Variants in PRKN observed in about 807,000 individuals in gnomAD.
PRKN encodes parkin RBR E3 ubiquitin protein ligase, also known as E3 ubiquitin-protein ligase parkin.
PRKN carries 56 observed loss-of-function variants against 59.5 expected under a neutral mutation model. The ratio of observed to expected loss-of-function variants is 0.94; its 90% CI spans 0.76 to 1.18. The LOEUF is 1.18. Among genes scored for constraint, PRKN ranks in the 50% most tolerant of loss-of-function variants. The probability of loss-of-function intolerance (pLI) is 0.00; values close to 1 mark genes in which losing one functional copy is unlikely to be tolerated. For missense variants in PRKN, 657 were observed against 596.4 expected, an observed-to-expected ratio of 1.10 and a Z score of -1.06; for synonymous variants, 250 against 222.1, an observed-to-expected ratio of 1.13 and a Z score of -1.12.
chr6:162,130,121 GC>G lies in PRKN; in HGVS notation c.534+71009del, dbSNP rs201125720. Among the ~76,000 whole-genome samples, 1,362 of 152,032 alleles carry G rather than the reference GC, an allele frequency of 9.0e-3. 11 individuals carry two copies. Among genetic ancestry groups the G allele is most frequent in the Non-Finnish European group, 0.012 (823 of 67,972 alleles). The stretch of plus-strand genomic sequence containing the variant: ...TACCAAACGAAGAATGATCTTTCTG[GC>G]CCCCAAATACAGGAATCTACCACTC... On this transcript the variant is annotated intron_variant, in intron 4 of 11. Coordinates refer to ENST00000366898, the MANE Select transcript of PRKN (RefSeq NM_004562.3).
chr6:162,254,058 T>C (rs1779544682), intron 3 of PRKN, among the ~76,000 whole-genome samples: 1 of 152,170 alleles, frequency 6.6e-6, no homozygotes. Context: ...GAGTGTCTTA[T>C]CTCCAAACAG....
At chr6:161,837,668 G>C (rs891582870) in intron 6 of PRKN, among the ~76,000 whole-genome samples, 2 of 151,896 alleles carry the variant, frequency 1.3e-5, no homozygotes, top group African/African-American at 4.8e-5. Context: ...TATGTTCCAG[G>C]GTAATAGATA....
intron 9 of PRKN, among the ~76,000 whole-genome samples, chr6:161,517,739 C>CG (rs1778666247): frequency 6.2e-5 from 3 of 48,382 alleles, no homozygotes; most frequent in Non-Finnish European, 1.0e-4. Flanking sequence ...GACTCTATCT[C>CG]AAAAAAAAAA....
intron 2 of PRKN, among the ~76,000 whole-genome samples, chr6:162,420,390 C>T (rs1288482685): frequency 6.6e-6 from 1 of 152,122 alleles, no homozygotes; most frequent in Non-Finnish European, 1.5e-5. Context: ...GTCCTGCTGC[C>T]ATCTTGGAAT....
At chr6:162,539,966 A>G (rs1778863445) in intron 1 of PRKN, among the ~76,000 whole-genome samples, 2 of 152,172 alleles carry the variant, frequency 1.3e-5, no homozygotes, top group Admixed American at 6.6e-5. Context: ...TCTGTCGCCC[A>G]GGCTAGAGTG....
At chr6:162,651,729 T>C (rs1024229234) in intron 1 of PRKN, among the ~76,000 whole-genome samples, 4 of 152,004 alleles carry the variant, frequency 2.6e-5, no homozygotes, top group Non-Finnish European at 5.9e-5. Flanking sequence ...ATTTAGAGAG[T>C]GCTCTAACTC....
At chr6:162,420,450 A>G (rs988102141) in intron 2 of PRKN, among the ~76,000 whole-genome samples, 8 of 152,194 alleles carry the variant, frequency 5.3e-5, no homozygotes, top group Non-Finnish European at 8.8e-5. Flanking sequence ...CTGAGCATGC[A>G]TAACAGTGCC....
rs1161071137 is a variant in PRKN, at chr6:161,355,749, C to T, written c.1285+4339G>A. Among the ~76,000 whole-genome samples the T allele has an allele frequency of 2.0e-5, 3 of 152,154 alleles. No individual in the cohort carries two copies. Among genetic ancestry groups the T allele is most frequent in the Non-Finnish European group, 4.4e-5 (3 of 68,030 alleles). On this transcript the variant is annotated intron_variant, in intron 11 of 11. Transcript: ENST00000366898. This position sits in a 1 kb window ranked among gnomAD's most constrained non-coding sequence, Gnocchi z 6.8. ...TCAGCAAATATTTTTTGTCCGGGCT[C>T]TCTTCTGGGATTGGAGCCTAGACGG...
intron 6 of PRKN, among the ~76,000 whole-genome samples, chr6:161,823,263 T>G (rs898308669): frequency 4.6e-5 from 7 of 152,240 alleles, no homozygotes; most frequent in Non-Finnish European, 1.0e-4. Flanking sequence ...CCTGTTGGCA[T>G]GTACTTCTTT....
chr6:161,495,773 C>T (rs1476248856), intron 9 of PRKN, among the ~76,000 whole-genome samples: 1 of 152,174 alleles, frequency 6.6e-6, no homozygotes, highest in Non-Finnish European at 1.5e-5. Flanking sequence ...CGGTCATCTT[C>T]ATTTACTTTC....
intron 1 of PRKN, among the ~76,000 whole-genome samples, chr6:162,710,374 A>AACACACACAAACACAC (rs1778487194): frequency 8.0e-6 from 1 of 125,242 alleles, no homozygotes; most frequent in Non-Finnish European, 1.6e-5. Flanking sequence ...ACCCCCTACA[A>AACACACACAAACACAC]ACACACACAC....
At chr6:162,253,188 G>A (rs1311670626) in intron 3 of PRKN, among the ~76,000 whole-genome samples, 1 of 152,162 alleles carries the variant, frequency 6.6e-6, no homozygotes. Flanking sequence ...TATCGAAATG[G>A]TAATTGAAAG....
chr6:161,717,013 G>A (rs372828079), intron 7 of PRKN, among the ~76,000 whole-genome samples: 2 of 152,120 alleles, frequency 1.3e-5, no homozygotes, highest in Non-Finnish European at 2.9e-5. Flanking sequence ...TGTGTGCAGA[G>A]CATGTCATGT....
chr6:161,974,633 A>G (rs923925268), intron 5 of PRKN, among the ~76,000 whole-genome samples: 4 of 152,108 alleles, frequency 2.6e-5, no homozygotes, highest in African/African-American at 7.2e-5. Context: ...CATGCCTTCC[A>G]TGATACTAAC....
chr6:161,701,515 G>T (rs1329780191), intron 7 of PRKN, among the ~76,000 whole-genome samples: 1 of 152,132 alleles, frequency 6.6e-6, no homozygotes, highest in Non-Finnish European at 1.5e-5. Flanking sequence ...GTAACCATAA[G>T]AAATGGATTT....
At chr6:162,394,356 C>T (rs1787368980) in intron 2 of PRKN, among the ~76,000 whole-genome samples, 1 of 152,140 alleles carries the variant, frequency 6.6e-6, no homozygotes, top group African/African-American at 2.4e-5. Context: ...GGGTGTGATA[C>T]AGAAATATGT....
intron 3 of PRKN, among the ~76,000 whole-genome samples, chr6:162,218,883 T>A (rs1324971605): frequency 6.6e-6 from 1 of 152,116 alleles, no homozygotes; most frequent in Non-Finnish European, 1.5e-5. Flanking sequence ...TATGCCTGTT[T>A]AGTTACACAC....
At chr6:161,646,863 T>G (rs1783975871) in intron 7 of PRKN, among the ~76,000 whole-genome samples, 1 of 152,220 alleles carries the variant, frequency 6.6e-6, no homozygotes, top group South Asian at 2.1e-4. Context: ...ATGGTTCCAT[T>G]GCTGTTCTAG....
intron 6 of PRKN, among the ~76,000 whole-genome samples, chr6:161,827,579 G>A (rs1451655744): frequency 2.1e-5 from 3 of 141,148 alleles, no homozygotes; most frequent in Non-Finnish European, 4.5e-5. Context: ...GCGTGATCTC[G>A]GCTCCCTGAA....
Sources: allele counts gnomAD v4.1 joint callset (sites outside exome capture counted in the v4.1 genomes callset), GRCh38; gene constraint gnomAD v4.1.1; non-coding constraint Gnocchi (gnomAD v3.1); transcripts MANE v1.5; gene names NCBI Gene and HGNC (gene_info 2026-07-23, HGNC 2026-07-21).